H3C11: variants seen among roughly 807,000 people sequenced by gnomAD.
The protein encoded by H3C11 is H3 clustered histone 11.
Under a neutral mutation model 9.1 loss-of-function variants are expected in H3C11, and 10 were observed. The ratio of observed to expected loss-of-function variants is 1.10; its 90% confidence interval spans 0.68 to 1.86. The LOEUF (loss-of-function observed/expected upper bound fraction) is 1.86. H3C11 is among the 40% of genes most tolerant of loss of function. The probability of loss-of-function intolerance (pLI) is 0.00; values close to 1 mark genes in which losing one functional copy is unlikely to be tolerated. For missense variants in H3C11, 197 were observed against 192.5 expected, an observed-to-expected ratio of 1.02 and a Z score of -0.14; for synonymous variants, 132 against 82.4, an observed-to-expected ratio of 1.60 and a Z score of -3.26.
At position 27,871,923 on chromosome 6, in the gene H3C11, G is replaced by A. The variant is rs201143748; in HGVS notation, c.393C>T (p.Ile131=). ...MPKDIQLARR[I]RGERA ...GGAATATTTATGCCCTCTCCCCTCG[G>A]ATGCGGCGCGCAAGCTGGATGTCTT... The change falls in exon 1 of 1, where the codon ATC becomes ATT. Residue 131 remains isoleucine (I), a synonymous_variant. Coordinates refer to ENST00000616365, the MANE Select transcript of H3C11 (RefSeq NM_003533.3). 3 of 1,613,794 alleles carry A rather than the reference G, an allele frequency of 1.9e-6. No individual in the cohort carries two copies. The highest frequency in any genetic ancestry group is 2.7e-5 in the African/African-American group (2 of 74,928).
chr6:27,872,093 T>C lies in H3C11; in HGVS notation c.223A>G (p.Ile75Val). ...AGATCGGTCTTAAAGTCCTGTGCGA[T>C]CTCCCGTACCAAGCGCTGAAAAGGT... ...KLPFQRLVRE[I>V]AQDFKTDLRF... The change falls in exon 1 of 1, where the codon ATC becomes GTC. Residue 75 changes from isoleucine (I) to valine (V), a missense_variant. Coordinates refer to ENST00000616365, the MANE Select transcript of H3C11 (RefSeq NM_003533.3). 1.2e-6 allele frequency: 2 copies of C among 1,614,182 alleles called. No homozygotes were observed. Among genetic ancestry groups the C allele is most frequent in the South Asian group, 1.1e-5 (1 of 91,082 alleles).
Position 27,872,173 on chromosome 6 carries a change from G to A in H3C11, c.143C>T (p.Ala48Val). Residue 48 changes from alanine to valine, a missense_variant, in exon 1 of 1, where the codon GCC becomes GTC. Physicochemically the swap from Ala to Val is moderately conservative, Grantham distance 64. Transcript: ENST00000616365. Reference sequence around the variant, plus strand: ...CTGGTAGCGGCGGATCTCGCGCAGGGCCACGGTGCCGGGGCGGTAGCGGTG... The same window carrying A: ...CTGGTAGCGGCGGATCTCGCGCAGGACCACGGTGCCGGGGCGGTAGCGGTG... ...KPHRYRPGTV[A>V]LREIRRYQKS... The A allele has an allele frequency of 6.2e-7, 1 of 1,614,094 alleles. No homozygotes were observed. The highest frequency in any genetic ancestry group is 8.5e-7 in the Non-Finnish European group (1 of 1,179,982).
At position 27,871,944 on chromosome 6, in the gene H3C11, G is replaced by T; in HGVS notation, c.372C>A (p.Asp124Glu). ...HAKRVTIMPK[D>E]IQLARRIRGE... is the part of the protein sequence containing the mutation. ...CTCGGATGCGGCGCGCAAGCTGGAT[G>T]TCTTTAGGCATAATAGTGACGCGTT... Residue 124 changes from aspartate to glutamate, a missense_variant, in exon 1 of 1, where the codon GAC becomes GAA. Asp to Glu is a conservative substitution (Grantham distance 45). Transcript: ENST00000616365. 6.2e-7 allele frequency: 1 copy of T among 1,614,154 alleles called. No homozygotes were observed. Among genetic ancestry groups the T allele is most frequent in the Non-Finnish European group, 8.5e-7 (1 of 1,179,968 alleles).
rs779153359 is a variant in H3C11, at chr6:27,871,964, C to A, written c.352G>T (p.Val118Phe). 1 of 1,614,208 alleles carries A rather than the reference C, an allele frequency of 6.2e-7. No homozygotes were observed. The highest frequency in any genetic ancestry group is 8.5e-7 in the Non-Finnish European group (1 of 1,180,030). Residue 118 changes from valine (V) to phenylalanine (F), a missense_variant, in exon 1 of 1, where the codon GTC (valine) becomes TTC (phenylalanine). Val to Phe is a conservative substitution (Grantham distance 50). Coordinates refer to ENST00000616365, the MANE Select transcript of H3C11 (RefSeq NM_003533.3). ...TGGATGTCTTTAGGCATAATAGTGACGCGTTTGGCGTGAATGGCGCACAGG... is the reference window on the plus strand; with the variant it reads ...TGGATGTCTTTAGGCATAATAGTGAAGCGTTTGGCGTGAATGGCGCACAGG... The part of the protein sequence containing the change: ...TNLCAIHAKR[V>F]TIMPKDIQLA...
In H3C11 at chr6:27,872,133, C is replaced by T; in HGVS notation, c.183G>A (p.Leu61=). The T allele has an allele frequency of 6.2e-7, 1 of 1,614,206 alleles. No homozygotes were observed. Among genetic ancestry groups the T allele is most frequent in the Non-Finnish European group, 8.5e-7 (1 of 1,180,030 alleles). Reference sequence around the variant, plus strand: ...GCTGAAAAGGTAGCTTCCGGATTAGCAGCTCGGTCGACTTCTGGTAGCGGC... The same window carrying T: ...GCTGAAAAGGTAGCTTCCGGATTAGTAGCTCGGTCGACTTCTGGTAGCGGC... ...EIRRYQKSTE[L]LIRKLPFQRL... Residue 61 remains leucine, a synonymous_variant, in exon 1 of 1, where the codon CTG becomes CTA. Coordinates refer to ENST00000616365, the MANE Select transcript of H3C11 (RefSeq NM_003533.3).
In H3C11 at chr6:27,871,958, T is replaced by TA. The variant is rs1250216149; in HGVS notation, c.357dup (p.Ile120TyrfsTer4). Reference sequence around the variant, plus strand: ...GCAAGCTGGATGTCTTTAGGCATAATAGTGACGCGTTTGGCGTGAATGGCG... The same window carrying TA: ...GCAAGCTGGATGTCTTTAGGCATAATAAGTGACGCGTTTGGCGTGAATGGCG... On this transcript the variant is annotated frameshift_variant, in exon 1 of 1. Transcript: ENST00000616365. LOFTEE classifies it high-confidence loss of function. 6.2e-7 allele frequency: 1 copy of TA among 1,614,186 alleles called. No homozygotes were observed. The highest frequency in any genetic ancestry group is 8.5e-7 in the Non-Finnish European group (1 of 1,180,016).
rs765421554 is a variant in H3C11 at position 27,872,073 on chromosome 6, G to T, written c.243C>A (p.Thr81=). Reference sequence around the variant, plus strand: ...CCGCCGAGCTCTGGAAGCGCAGATCGGTCTTAAAGTCCTGTGCGATCTCCC... The same window carrying T: ...CCGCCGAGCTCTGGAAGCGCAGATCTGTCTTAAAGTCCTGTGCGATCTCCC... ...LVREIAQDFK[T]DLRFQSSAVM... The change falls in exon 1 of 1, where the codon ACC becomes ACA. Residue 81 remains threonine (T), a synonymous_variant. Coordinates refer to ENST00000616365, the MANE Select transcript of H3C11 (RefSeq NM_003533.3). The T allele has an allele frequency of 1.2e-6, 2 of 1,614,200 alleles. No homozygotes were observed. The highest frequency in any genetic ancestry group is 3.3e-5 in the Admixed American group (2 of 60,026).
rs749599470 is a variant in H3C11 at position 27,872,171 on chromosome 6, G to A, written c.145C>T (p.Leu49=). The A allele has an allele frequency of 1.2e-6, 2 of 1,614,072 alleles. No homozygotes were observed. Among genetic ancestry groups the A allele is most frequent in the Non-Finnish European group, 1.7e-6 (2 of 1,179,990 alleles). The change falls in exon 1 of 1, where the codon CTG becomes TTG. Residue 49 remains leucine, a synonymous_variant. Coordinates refer to ENST00000616365, the MANE Select transcript of H3C11 (RefSeq NM_003533.3). ...TTCTGGTAGCGGCGGATCTCGCGCA[G>A]GGCCACGGTGCCGGGGCGGTAGCGG... ...PHRYRPGTVA[L]REIRRYQKST... is the part of the protein sequence containing the mutation.
In H3C11 at chr6:27,872,143, G is replaced by T; in HGVS notation, c.173C>A (p.Ser58Ter). ...ALREIRRYQK[S>*]TELLIRKLPF... ...TAGCTTCCGGATTAGCAGCTCGGTCGACTTCTGGTAGCGGCGGATCTCGCG... is the reference window on the plus strand; with the variant it reads ...TAGCTTCCGGATTAGCAGCTCGGTCTACTTCTGGTAGCGGCGGATCTCGCG... Residue 58 changes from serine (S) to a stop codon, truncating the protein, a stop_gained, in exon 1 of 1, where the codon TCG becomes TAG. Coordinates refer to ENST00000616365, the MANE Select transcript of H3C11 (RefSeq NM_003533.3). LOFTEE classifies it high-confidence loss of function. The T allele has an allele frequency of 6.2e-7, 1 of 1,614,180 alleles. No homozygotes were observed. Among genetic ancestry groups the T allele is most frequent in the Non-Finnish European group, 8.5e-7 (1 of 1,180,026 alleles).
chr6:27,872,098 C>G lies in H3C11; in HGVS notation c.218G>C (p.Arg73Pro), dbSNP rs1396834312. 139 of 1,614,092 alleles carry G rather than the reference C, an allele frequency of 8.6e-5. No individual in the cohort carries two copies. Among genetic ancestry groups the G allele is most frequent in the Non-Finnish European group, 1.1e-4 (134 of 1,180,048 alleles). The change falls in exon 1 of 1, where the codon CGG becomes CCG. Residue 73 changes from arginine to proline, a missense_variant. Transcript: ENST00000616365. ...IRKLPFQRLV[R>P]EIAQDFKTDL... ...GGTCTTAAAGTCCTGTGCGATCTCC[C>G]GTACCAAGCGCTGAAAAGGTAGCTT...
chr6:27,871,989 G>A lies in H3C11; in HGVS notation c.327C>T (p.Asn109=). Residue 109 remains asparagine (N), a synonymous_variant, in exon 1 of 1, where the codon AAC becomes AAT. Transcript: ENST00000616365. ...AYLVGLFEDT[N]LCAIHAKRVT... is the part of the protein sequence containing the mutation. ...CGCGTTTGGCGTGAATGGCGCACAGGTTGGTATCCTCAAATAGCCCCACCA... is the reference window on the plus strand; with the variant it reads ...CGCGTTTGGCGTGAATGGCGCACAGATTGGTATCCTCAAATAGCCCCACCA... 2 of 1,614,220 alleles carry A rather than the reference G, an allele frequency of 1.2e-6. No individual in the cohort carries two copies. The highest frequency in any genetic ancestry group is 1.7e-6 in the Non-Finnish European group (2 of 1,180,038).
Position 27,872,097 on chromosome 6 carries a change from C to T in H3C11, c.219G>A (p.Arg73=). 6.2e-7 allele frequency: 1 copy of T among 1,614,204 alleles called. No individual in the cohort carries two copies. Among genetic ancestry groups the T allele is most frequent in the Non-Finnish European group, 8.5e-7 (1 of 1,180,040 alleles). ...IRKLPFQRLV[R]EIAQDFKTDL... ...CGGTCTTAAAGTCCTGTGCGATCTC[C>T]CGTACCAAGCGCTGAAAAGGTAGCT... The change falls in exon 1 of 1, where the codon CGG becomes CGA. Residue 73 remains arginine (R), a synonymous_variant. Coordinates refer to ENST00000616365, the MANE Select transcript of H3C11 (RefSeq NM_003533.3).
In H3C11 at chr6:27,871,971, G is replaced by C; in HGVS notation, c.345C>G (p.Ala115=). Residue 115 remains alanine (A), a synonymous_variant, in exon 1 of 1, where the codon GCC becomes GCG. Coordinates refer to ENST00000616365, the MANE Select transcript of H3C11 (RefSeq NM_003533.3). ...FEDTNLCAIH[A]KRVTIMPKDI... ...CTTTAGGCATAATAGTGACGCGTTT[G>C]GCGTGAATGGCGCACAGGTTGGTAT... is the stretch of plus-strand genomic sequence containing the variant. 1.2e-6 allele frequency: 2 copies of C among 1,614,228 alleles called. No homozygotes were observed. Among genetic ancestry groups the C allele is most frequent in the Non-Finnish European group, 1.7e-6 (2 of 1,180,038 alleles).
rs1761622225 is a variant in H3C11, at chr6:27,872,140, G to A, written c.176C>T (p.Thr59Ile). Residue 59 changes from threonine to isoleucine, a missense_variant, in exon 1 of 1, where the codon ACC (threonine) becomes ATC (isoleucine). Transcript: ENST00000616365. Reference protein sequence around the residue: ...LREIRRYQKSTELLIRKLPFQ... With the variant: ...LREIRRYQKSIELLIRKLPFQ... ...AGGTAGCTTCCGGATTAGCAGCTCG[G>A]TCGACTTCTGGTAGCGGCGGATCTC... is the stretch of plus-strand genomic sequence containing the variant. 3 of 1,614,074 alleles carry A rather than the reference G, an allele frequency of 1.9e-6. No individual in the cohort carries two copies. The highest frequency in any genetic ancestry group is 8.5e-7 in the Non-Finnish European group (1 of 1,180,040).
Position 27,872,281 on chromosome 6 carries a change from G to A in H3C11, c.35C>T (p.Thr12Ile). The A allele has an allele frequency of 6.2e-7, 1 of 1,611,652 alleles. No homozygotes were observed. The highest frequency in any genetic ancestry group is 8.5e-7 in the Non-Finnish European group (1 of 1,179,306). ...ARTKQTARKS[T>I]GGKAPRKQLA... ...CTGCTTGCGCGGCGCTTTGCCGCCG[G>A]TGGACTTGCGAGCTGTTTGCTTTGT... is the stretch of plus-strand genomic sequence containing the variant. The change falls in exon 1 of 1, where the codon ACC becomes ATC. Residue 12 changes from threonine (T) to isoleucine (I), a missense_variant. Transcript: ENST00000616365.
Position 27,872,139 on chromosome 6 carries a change from G to T in H3C11, c.177C>A (p.Thr59=). 6.2e-7 allele frequency: 1 copy of T among 1,614,182 alleles called. No individual in the cohort carries two copies. The highest frequency in any genetic ancestry group is 8.5e-7 in the Non-Finnish European group (1 of 1,180,022). ...AAGGTAGCTTCCGGATTAGCAGCTCGGTCGACTTCTGGTAGCGGCGGATCT... is the reference window on the plus strand; with the variant it reads ...AAGGTAGCTTCCGGATTAGCAGCTCTGTCGACTTCTGGTAGCGGCGGATCT... ...LREIRRYQKS[T]ELLIRKLPFQ... The change falls in exon 1 of 1, where the codon ACC becomes ACA. Residue 59 remains threonine, a synonymous_variant. Coordinates refer to ENST00000616365, the MANE Select transcript of H3C11 (RefSeq NM_003533.3).
chr6:27,872,017 T>C lies in H3C11; in HGVS notation c.299A>G (p.Tyr100Cys). ...GGTATCCTCAAATAGCCCCACCAGG[T>C]AGGCCTCGCAAGCCTCCTGCAGCGC... The part of the protein sequence containing the change: ...VMALQEACEA[Y>C]LVGLFEDTNL... Residue 100 changes from tyrosine to cysteine, a missense_variant, in exon 1 of 1, where the codon TAC becomes TGC. Physicochemically the swap from Tyr to Cys is radical, Grantham distance 194 (BLOSUM62 -2). Coordinates refer to ENST00000616365, the MANE Select transcript of H3C11 (RefSeq NM_003533.3). 6.2e-7 allele frequency: 1 copy of C among 1,614,192 alleles called. No individual in the cohort carries two copies. Among genetic ancestry groups the C allele is most frequent in the Non-Finnish European group, 8.5e-7 (1 of 1,180,030 alleles).
Position 27,872,043 on chromosome 6 carries a change from C to T in H3C11, c.273G>A (p.Met91Ile). ...AGGCCTCGCAAGCCTCCTGCAGCGC[C>T]ATCACCGCCGAGCTCTGGAAGCGCA... ...TDLRFQSSAVMALQEACEAYL... is the reference protein window; with the variant it reads ...TDLRFQSSAVIALQEACEAYL... Residue 91 changes from methionine to isoleucine, a missense_variant, in exon 1 of 1, where the codon ATG becomes ATA. By Grantham distance (10) the Met-to-Ile change is conservative. Coordinates refer to ENST00000616365, the MANE Select transcript of H3C11 (RefSeq NM_003533.3). 1 of 1,614,248 alleles carries T rather than the reference C, an allele frequency of 6.2e-7. No homozygotes were observed. Among genetic ancestry groups the T allele is most frequent in the Non-Finnish European group, 8.5e-7 (1 of 1,180,048 alleles).
chr6:27,872,082 G>A lies in H3C11; in HGVS notation c.234C>T (p.Asp78=). The part of the protein sequence containing the change: ...FQRLVREIAQ[D]FKTDLRFQSS... ...TCTGGAAGCGCAGATCGGTCTTAAA[G>A]TCCTGTGCGATCTCCCGTACCAAGC... The change falls in exon 1 of 1, where the codon GAC becomes GAT. Residue 78 remains aspartate, a synonymous_variant. Coordinates refer to ENST00000616365, the MANE Select transcript of H3C11 (RefSeq NM_003533.3). The A allele has an allele frequency of 6.2e-7, 1 of 1,614,206 alleles. No homozygotes were observed. The highest frequency in any genetic ancestry group is 1.6e-4 in the Middle Eastern group (1 of 6,062).
Sources: allele counts gnomAD v4.1 joint callset, GRCh38; gene constraint gnomAD v4.1.1; transcripts MANE v1.5; gene names NCBI Gene and HGNC (gene_info 2026-07-23, HGNC 2026-07-21).